FNIP1: variants seen among roughly 807,000 people sequenced by gnomAD.
FNIP1 encodes the protein folliculin-interacting protein 1.
In FNIP1, 40 loss-of-function variants were observed where a neutral mutation model predicts 124.5. The observed-to-expected ratio is 0.32, with a 90% CI of 0.25 to 0.42. FNIP1 has a LOEUF of 0.42. Ranked by LOEUF, FNIP1 falls within the 10% of genes least tolerant of loss-of-function variation. The pLI, the probability that FNIP1 is intolerant of heterozygous loss-of-function variation, is 1.00. For synonymous variants in FNIP1, 472 were observed against 470.6 expected, an observed-to-expected ratio of 1.00 and a Z score of -0.04; for missense variants, 1,176 against 1,403.7, an observed-to-expected ratio of 0.84 and a Z score of 2.59.
intron 1 of FNIP1, among the ~76,000 whole-genome samples, chr5:131,746,794 TA>T (rs1329072726): frequency 6.6e-6 from 1 of 152,216 alleles, no homozygotes; most frequent in Non-Finnish European, 1.5e-5. Context: ...ATATACTCAG[TA>T]ATGTGATCGC....
At chr5:131,646,243 A>G (rs1431007300) in intron 17 of FNIP1, among the ~76,000 whole-genome samples, 5 of 152,236 alleles carry the variant, frequency 3.3e-5, no homozygotes, top group African/African-American at 9.6e-5. Flanking sequence ...AAAAAGATAT[A>G]GAGTCATTCA....
At chr5:131,699,987 T>C (rs1768843224) in intron 10 of FNIP1, among the ~76,000 whole-genome samples, 1 of 150,120 alleles carries the variant, frequency 6.7e-6, no homozygotes, top group South Asian at 2.1e-4. Flanking sequence ...TAGTAATATT[T>C]GCTTTTTTTT....
intron 1 of FNIP1, chr5:131,796,577 G>A (rs184845285): frequency 4.1e-4 from 221 of 535,122 alleles, no homozygotes; most frequent in Non-Finnish European, 6.6e-4. Flanking sequence ...CGCGTGGCTG[G>A]GGGCAGGTCG....
chr5:131,687,522 G>C (rs1332062192), intron 11 of FNIP1, among the ~76,000 whole-genome samples: 1 of 152,136 alleles, frequency 6.6e-6, no homozygotes, highest in Non-Finnish European at 1.5e-5. Flanking sequence ...GACCTGCAAA[G>C]AGCTTGGAAG....
At chr5:131,705,309 A>G (rs535039109) in intron 9 of FNIP1, among the ~76,000 whole-genome samples, 3 of 151,826 alleles carry the variant, frequency 2.0e-5, no homozygotes, top group South Asian at 4.2e-4. Context: ...TCTCTAAAAA[A>G]AAAGAAAAAA....
At chr5:131,660,487 C>T (rs563829164) in intron 15 of FNIP1, among the ~76,000 whole-genome samples, 1 of 152,220 alleles carries the variant, frequency 6.6e-6, no homozygotes, top group African/African-American at 2.4e-5. Flanking sequence ...GATTTGGCCC[C>T]AGTAGGATAG....
chr5:131,670,733 G>T, intron 14 of FNIP1, 102 bp from the exon 15 acceptor site: 1 of 803,506 alleles, frequency 1.2e-6, no homozygotes, highest in Non-Finnish European at 1.8e-6. Context: ...TTTTACACTA[G>T]TCTGTATTAA....
chr5:131,790,307 C>T (rs1346708821), intron 1 of FNIP1, among the ~76,000 whole-genome samples: 19 of 151,796 alleles, frequency 1.3e-4, no homozygotes, highest in Non-Finnish European at 2.9e-5. Context: ...GGCGAAACCC[C>T]GTGTCTACAA....
chr5:131,656,590 G>A (rs1009276813), intron 15 of FNIP1, among the ~76,000 whole-genome samples: 39 of 152,072 alleles, frequency 2.6e-4, no homozygotes, highest in Non-Finnish European at 5.3e-4. Flanking sequence ...CGCTAGGAAA[G>A]TATGGTTTGA....
intron 1 of FNIP1, among the ~76,000 whole-genome samples, chr5:131,788,965 C>T (rs1053760200): frequency 6.6e-6 from 1 of 152,126 alleles, no homozygotes; most frequent in African/African-American, 2.4e-5. Context: ...TATCTGCACA[C>T]TCATATTTAC....
rs1239811668 is a variant in FNIP1 at position 131,734,906 on chromosome 5, T to C, written c.220-3868A>G. ...CATTGTGGAAGACAGTGTGGCGATT[T>C]CTCAGGGATCTACAACTAGAAATAC... On this transcript the variant is annotated intron_variant, in intron 2 of 17. Transcript: ENST00000510461. 1.4e-4 allele frequency among the ~76,000 whole-genome samples: 21 copies of C among 152,270 alleles called. No homozygotes were observed. In the East Asian group the frequency reaches 4.1e-3, roughly 29 times the overall value.
intron 1 of FNIP1, among the ~76,000 whole-genome samples, chr5:131,792,410 C>G (rs1295298063): frequency 6.6e-6 from 1 of 152,130 alleles, no homozygotes. Context: ...ATCCACCTGC[C>G]TCGGCCTCCC....
intron 11 of FNIP1, among the ~76,000 whole-genome samples, chr5:131,684,711 T>C (rs970739759): frequency 6.6e-6 from 1 of 152,214 alleles, no homozygotes; most frequent in Non-Finnish European, 1.5e-5. Flanking sequence ...GCAAGATCAG[T>C]ATCCTGTTTG....
At position 131,796,966 on chromosome 5, in the gene FNIP1, G is replaced by C; in HGVS notation, c.-45C>G. ...GGGTCGCTCCGCTGGGCGCTTGCTA[G>C]GCCCCTGCTCCTACAGCCGCCCCGC... On this transcript the variant is annotated 5_prime_UTR_variant, in exon 1 of 18. Transcript: ENST00000510461. 6.5e-7 allele frequency: 1 copy of C among 1,538,264 alleles called. No individual in the cohort carries two copies. The highest frequency in any genetic ancestry group is 1.2e-5 in the South Asian group (1 of 84,646).
At chr5:131,752,129 C>T (rs1477881113) in intron 1 of FNIP1, among the ~76,000 whole-genome samples, 1 of 152,088 alleles carries the variant, frequency 6.6e-6, no homozygotes, top group African/African-American at 2.4e-5. Context: ...CTGCAAGCTC[C>T]GCCTCTCCGG....
chr5:131,784,255 T>C lies in FNIP1; in HGVS notation c.92+12575A>G, dbSNP rs144677146. On this transcript the variant is annotated intron_variant, in intron 1 of 17. Coordinates refer to ENST00000510461, the MANE Select transcript of FNIP1 (RefSeq NM_133372.3). ...GGTTTTATGGAGCCGTTGAAGGATA[T>C]AGAAATACTAATGATTTCAAAGAAA... 5.0e-3 allele frequency among the ~76,000 whole-genome samples: 762 copies of C among 152,222 alleles called. 5 individuals carry two copies. The highest frequency in any genetic ancestry group is 0.017 in the African/African-American group (690 of 41,520).
intron 1 of FNIP1, among the ~76,000 whole-genome samples, chr5:131,791,156 T>C (rs1313132531): frequency 2.0e-5 from 3 of 152,158 alleles, no homozygotes; most frequent in African/African-American, 7.2e-5. Context: ...CAAAGGGAAA[T>C]CACCTTTTAT....
intron 6 of FNIP1, among the ~76,000 whole-genome samples, chr5:131,715,823 A>T (rs1241396090): frequency 6.6e-6 from 1 of 151,882 alleles, no homozygotes; most frequent in African/African-American, 2.4e-5. Context: ...AAACTTTTCT[A>T]CTAATATATA....
At chr5:131,701,882 T>C (rs927642622) in intron 10 of FNIP1, among the ~76,000 whole-genome samples, 2 of 152,210 alleles carry the variant, frequency 1.3e-5, no homozygotes, top group Non-Finnish European at 2.9e-5. Context: ...TTTTTTGTCA[T>C]CAGGTACTCA....
Sources: allele counts gnomAD v4.1 joint callset (sites outside exome capture counted in the v4.1 genomes callset), GRCh38; gene constraint gnomAD v4.1.1; transcripts MANE v1.5; gene names NCBI Gene and HGNC (gene_info 2026-07-23, HGNC 2026-07-21).